The following ZBTB20 variants were observed in gnomAD, a reference collection of about 807,000 sequenced individuals.
ZBTB20 encodes zinc finger and BTB domain-containing protein 20.
ZBTB20 carries 9 observed loss-of-function variants against 56.9 expected under a neutral mutation model. The ratio of observed to expected loss-of-function variants is 0.16; its 90% CI spans 0.10 to 0.28. The LOEUF is 0.28. Ranked by LOEUF, ZBTB20 falls within the 10% of genes least tolerant of loss-of-function variation. ZBTB20 has a pLI of 1.00. For missense variants in ZBTB20, 655 were observed against 1,003.0 expected, an observed-to-expected ratio of 0.65 and a Z score of 4.69; for synonymous variants, 417 against 420.7, an observed-to-expected ratio of 0.99 and a Z score of 0.11.
intron 2 of ZBTB20, among the ~76,000 whole-genome samples, chr3:114,991,692 T>A (rs2078817249): frequency 6.6e-6 from 1 of 152,138 alleles, no homozygotes; most frequent in African/African-American, 2.4e-5. Flanking sequence ...CTGTCTAATG[T>A]TAACAGTGGG....
chr3:114,632,620 G>A (rs893539302), intron 6 of ZBTB20, among the ~76,000 whole-genome samples: 1 of 152,106 alleles, frequency 6.6e-6, no homozygotes, highest in Admixed American at 6.6e-5. Flanking sequence ...TGTGGTGTTC[G>A]CTTGAAAGGT....
At chr3:114,865,802 T>A (rs1576160912) in intron 4 of ZBTB20, among the ~76,000 whole-genome samples, 1 of 152,184 alleles carries the variant, frequency 6.6e-6, no homozygotes, top group South Asian at 2.1e-4. Context: ...AATTCATGGA[T>A]GAAGGTAGTA....
chr3:114,350,980 G>T lies in ZBTB20; in HGVS notation c.1098C>A (p.Thr366=). ...CTEDTDQAEG[T]ESEPKGESFD... ...AGCTTTCACCTTTGGGCTCACTCTC[G>T]GTGCCCTCGGCCTGGTCTGTGTCTT... The change falls in exon 11 of 12, where the codon ACC becomes ACA. Residue 366 remains threonine (T), a synonymous_variant. Transcript: ENST00000675478. 4 of 1,608,550 alleles carry T rather than the reference G, an allele frequency of 2.5e-6. No homozygotes were observed. The highest frequency in any genetic ancestry group is 3.4e-6 in the Non-Finnish European group (4 of 1,179,908).
At chr3:115,141,268 A>C (rs2084804944) in intron 1 of ZBTB20, among the ~76,000 whole-genome samples, 1 of 152,278 alleles carries the variant, frequency 6.6e-6, no homozygotes, top group African/African-American at 2.4e-5. Flanking sequence ...CTGCTGTTTC[A>C]ATTTCACATC....
chr3:114,744,561 G>C (rs1024548357), intron 5 of ZBTB20, among the ~76,000 whole-genome samples: 1 of 152,110 alleles, frequency 6.6e-6, no homozygotes, highest in African/African-American at 2.4e-5. Context: ...GAAAAACAAA[G>C]AGCGAGGGAA....
chr3:115,137,255 T>C (rs1022534292), intron 1 of ZBTB20, among the ~76,000 whole-genome samples: 4 of 152,084 alleles, frequency 2.6e-5, no homozygotes, highest in African/African-American at 7.2e-5. Context: ...ATTTGTAATA[T>C]AGCTTAACAG....
chr3:115,079,960 T>C (rs1376706917), intron 1 of ZBTB20, among the ~76,000 whole-genome samples: 1 of 152,224 alleles, frequency 6.6e-6, no homozygotes, highest in African/African-American at 2.4e-5. Flanking sequence ...TCCATCATTC[T>C]AGTTTGGCTT....
intron 4 of ZBTB20, among the ~76,000 whole-genome samples, chr3:114,898,536 A>T (rs1378785923): frequency 1.3e-5 from 2 of 152,136 alleles, no homozygotes; most frequent in Non-Finnish European, 2.9e-5. Context: ...CTGTATAACA[A>T]GTAATAAGAT....
intron 2 of ZBTB20, among the ~76,000 whole-genome samples, chr3:115,044,416 A>C (rs1487193155): frequency 6.6e-6 from 1 of 152,198 alleles, no homozygotes; most frequent in African/African-American, 2.4e-5. Flanking sequence ...CAGACCTCCA[A>C]TGAGAAGGCA....
chr3:114,546,688 T>C (rs2049928302), intron 6 of ZBTB20, among the ~76,000 whole-genome samples: 1 of 152,012 alleles, frequency 6.6e-6, no homozygotes, highest in South Asian at 2.1e-4. Flanking sequence ...TGTATCATAA[T>C]TAAGGAGATG....
chr3:115,032,400 G>C (rs2080723132), intron 2 of ZBTB20, among the ~76,000 whole-genome samples: 1 of 151,364 alleles, frequency 6.6e-6, no homozygotes, highest in Non-Finnish European at 1.5e-5. Context: ...AACAGGAAAA[G>C]TTACATTACA....
At chr3:115,131,623 A>G (rs1202121598) in intron 1 of ZBTB20, among the ~76,000 whole-genome samples, 3 of 152,212 alleles carry the variant, frequency 2.0e-5, no homozygotes, top group Admixed American at 1.3e-4. Context: ...TCTATGGAAT[A>G]TATTCCCAAA....
chr3:115,043,990 T>G (rs2081248164), intron 2 of ZBTB20, among the ~76,000 whole-genome samples: 1 of 152,136 alleles, frequency 6.6e-6, no homozygotes, highest in Non-Finnish European at 1.5e-5. Context: ...ATGTGGCACC[T>G]CCTCACCTCC....
intron 2 of ZBTB20, among the ~76,000 whole-genome samples, chr3:114,984,626 T>C (rs1277921148): frequency 2.6e-5 from 4 of 152,080 alleles, no homozygotes; most frequent in Non-Finnish European, 5.9e-5. Flanking sequence ...CTCTTATTTC[T>C]ATCAAGACAC....
intron 1 of ZBTB20, among the ~76,000 whole-genome samples, chr3:115,133,392 A>T (rs935976980): frequency 1.3e-5 from 2 of 152,186 alleles, no homozygotes; most frequent in African/African-American, 2.4e-5. Flanking sequence ...TAAAATTCAT[A>T]TAACATAAAC....
chr3:114,974,192 C>T (rs1382849829), intron 3 of ZBTB20, among the ~76,000 whole-genome samples, 174 bp downstream of exon 3: 1 of 151,606 alleles, frequency 6.6e-6, no homozygotes, highest in Non-Finnish European at 1.5e-5. Flanking sequence ...TTTTAACTTA[C>T]AATTTCATAT....
intron 1 of ZBTB20, among the ~76,000 whole-genome samples, chr3:115,132,132 AAAT>A (rs1205508855): frequency 2.0e-5 from 3 of 152,174 alleles, no homozygotes; most frequent in Non-Finnish European, 2.9e-5. Context: ...ATTAACTTTG[AAAT>A]AATATTTTTA....
At chr3:114,854,388 A>G (rs549018303) in intron 4 of ZBTB20, among the ~76,000 whole-genome samples, 2 of 152,320 alleles carry the variant, frequency 1.3e-5, no homozygotes, top group Admixed American at 6.5e-5. Context: ...CTAGTTGTTT[A>G]GCCAAGGTAC....
At chr3:114,551,688 T>A (rs1026370738) in intron 6 of ZBTB20, among the ~76,000 whole-genome samples, 2 of 152,248 alleles carry the variant, frequency 1.3e-5, no homozygotes, top group African/African-American at 4.8e-5. Flanking sequence ...GCTTCTATTC[T>A]TATAAATTAG....
Sources: gnomAD v4.1 joint callset for allele counts (sites outside exome capture counted in the v4.1 genomes callset) on GRCh38, gnomAD v4.1.1 for gene constraint, MANE v1.5 for transcripts, NCBI Gene and HGNC (gene_info 2026-07-23, HGNC 2026-07-21) for gene names.